ARK2N: variants seen among roughly 807,000 people sequenced by gnomAD.
ARK2N encodes the protein protein ARK2N.
the ARK2N span, among the ~76,000 whole-genome samples, chr18:46,190,258 G>A: frequency 2.6e-5 from 4 of 152,048 alleles, no homozygotes; most frequent in Non-Finnish European, 5.9e-5. Flanking sequence ...GGTGGCTCAC[G>A]CCTGTAATCC....
At chr18:46,222,275 A>C in the ARK2N span, among the ~76,000 whole-genome samples, 1 of 152,240 alleles carries the variant, frequency 6.6e-6, no homozygotes. Flanking sequence ...GTCTGGTTCA[A>C]TTAAGTTCTC....
chr18:46,225,866 A>G, the ARK2N span, among the ~76,000 whole-genome samples: 6 of 152,212 alleles, frequency 3.9e-5, no homozygotes, highest in Non-Finnish European at 8.8e-5. Flanking sequence ...GAGTTTTGTT[A>G]TGTATGGTGG....
chr18:46,212,507 A>G, the ARK2N span, among the ~76,000 whole-genome samples: 2 of 152,112 alleles, frequency 1.3e-5, no homozygotes, highest in African/African-American at 4.8e-5. Context: ...TTACCTCTCT[A>G]TATAAAGTGC....
chr18:46,179,625 CTTTTTTT>C, the ARK2N span, among the ~76,000 whole-genome samples: 1 of 136,848 alleles, frequency 7.3e-6, no homozygotes, highest in African/African-American at 2.7e-5. Context: ...TTAAAGTTAT[CTTTTTTT>C]TTTTTTTTTT....
chr18:46,258,168 T>C, the ARK2N span, among the ~76,000 whole-genome samples: 17 of 152,250 alleles, frequency 1.1e-4, no homozygotes, highest in East Asian at 2.1e-3. Flanking sequence ...TCAGACGATC[T>C]GCCCGCCTCG....
chr18:46,261,362 C>T, the ARK2N span, among the ~76,000 whole-genome samples: 3 of 152,210 alleles, frequency 2.0e-5, no homozygotes, highest in Admixed American at 6.5e-5. Flanking sequence ...CTCAGTTTCC[C>T]TCTCTGTAGA....
chr18:46,178,130 A>T, the ARK2N span, among the ~76,000 whole-genome samples: 2 of 152,056 alleles, frequency 1.3e-5, no homozygotes, highest in East Asian at 3.9e-4. Context: ...TTATCAGTGC[A>T]CTTGAATGGT....
the ARK2N span, among the ~76,000 whole-genome samples, chr18:46,258,513 C>G: frequency 6.6e-6 from 1 of 152,090 alleles, no homozygotes; most frequent in Admixed American, 6.5e-5. Flanking sequence ...GTATGAAGAA[C>G]AGGAAATTAT....
At chr18:46,182,291 A>G in the ARK2N span, among the ~76,000 whole-genome samples, 15 of 152,154 alleles carry the variant, frequency 9.9e-5, no homozygotes, top group Admixed American at 6.5e-4. Flanking sequence ...TCAACTAAGC[A>G]CTTTGCAGTG....
chr18:46,201,408 G>A, the ARK2N span, among the ~76,000 whole-genome samples: 1 of 152,156 alleles, frequency 6.6e-6, no homozygotes, highest in Non-Finnish European at 1.5e-5. Context: ...CTGTGAAGTA[G>A]ACTTGTTTTT....
At chr18:46,225,436 C>T in the ARK2N span, among the ~76,000 whole-genome samples, 1 of 152,090 alleles carries the variant, frequency 6.6e-6, no homozygotes, top group Admixed American at 6.5e-5. Context: ...TATGCTTTTG[C>T]CCATTGTAAG....
chr18:46,231,734 T>A, the ARK2N span: 1 of 152,176 alleles, frequency 6.6e-6, no homozygotes. Flanking sequence ...CGATTTTTCT[T>A]TCTTTTTTTT....
chr18:46,202,083 C>G, the ARK2N span, among the ~76,000 whole-genome samples: 2 of 152,042 alleles, frequency 1.3e-5, no homozygotes, highest in African/African-American at 2.4e-5. Flanking sequence ...TGGCCTAGAT[C>G]TAGTTTTCTT....
the ARK2N span, among the ~76,000 whole-genome samples, chr18:46,191,643 C>T: frequency 2.2e-4 from 34 of 152,226 alleles, 1 homozygote; most frequent in East Asian, 6.2e-3. Flanking sequence ...ACGGTTATTG[C>T]AATTGTTGAA....
At chr18:46,187,583 C>G in the ARK2N span, among the ~76,000 whole-genome samples, 3 of 152,118 alleles carry the variant, frequency 2.0e-5, no homozygotes, top group African/African-American at 7.2e-5. Flanking sequence ...CTCAGGTGAT[C>G]CGACCGCCTT....
chr18:46,234,853 C>T, the ARK2N span, among the ~76,000 whole-genome samples: 2 of 151,944 alleles, frequency 1.3e-5, 1 homozygote, highest in Non-Finnish European at 2.9e-5. Flanking sequence ...TTTTTCTTCT[C>T]TTAGTGAGGA....
the ARK2N span, chr18:46,173,695 G>C: frequency 2.0e-5 from 3 of 152,470 alleles, no homozygotes; most frequent in Admixed American, 2.0e-4. Flanking sequence ...GCTGCTTTCG[G>C]AAGGGCTTCA....
At chr18:46,178,952 A>AT in the ARK2N span, among the ~76,000 whole-genome samples, 3 of 151,514 alleles carry the variant, frequency 2.0e-5, no homozygotes, top group African/African-American at 7.3e-5. Context: ...GTGAATACAA[A>AT]TTTTTTTTGA....
chr18:46,236,136 A>C, the ARK2N span, among the ~76,000 whole-genome samples: 1 of 152,352 alleles, frequency 6.6e-6, no homozygotes, highest in East Asian at 1.9e-4. Flanking sequence ...AATAAAAAGT[A>C]GTTGGTAGAT....
Sources: allele counts gnomAD v4.1 joint callset (sites outside exome capture counted in the v4.1 genomes callset), GRCh38; gene constraint gnomAD v4.1.1; transcripts MANE v1.5; gene names NCBI Gene and HGNC (gene_info 2026-07-23, HGNC 2026-07-21).